Variants in WDR70 observed in about 807,000 individuals in gnomAD.
The protein encoded by WDR70 is WD repeat domain 70.
WDR70 carries 53 observed loss-of-function variants against 88.6 expected under a neutral mutation model. The observed-to-expected ratio is 0.60, with a 90% CI of 0.48 to 0.75. WDR70 has a LOEUF of 0.75. Among genes scored for constraint, WDR70 ranks in the 30% least tolerant of loss-of-function variants. The probability of loss-of-function intolerance (pLI) is 0.00; values close to 1 mark genes in which losing one functional copy is unlikely to be tolerated. For synonymous variants in WDR70, 280 were observed against 270.0 expected, an observed-to-expected ratio of 1.04 and a Z score of -0.36; for missense variants, 610 against 823.2, an observed-to-expected ratio of 0.74 and a Z score of 3.17.
chr5:37,748,560 G>C (rs1748703819), intron 17 of WDR70, among the ~76,000 whole-genome samples: 1 of 152,136 alleles, frequency 6.6e-6, no homozygotes, highest in South Asian at 2.1e-4. Flanking sequence ...CATGGGCAAA[G>C]ACTTCATGAC....
intron 8 of WDR70, among the ~76,000 whole-genome samples, chr5:37,498,247 A>G (rs1420616452): frequency 6.6e-6 from 1 of 152,216 alleles, no homozygotes; most frequent in Non-Finnish European, 1.5e-5. Context: ...AACTCTCAGT[A>G]GCAGTTGACA....
intron 10 of WDR70, among the ~76,000 whole-genome samples, chr5:37,669,025 A>G (rs940928047): frequency 2.6e-5 from 4 of 152,184 alleles, no homozygotes; most frequent in African/African-American, 9.7e-5. Flanking sequence ...ATTCTTAGCC[A>G]TTTTGGTGCC....
intron 10 of WDR70, among the ~76,000 whole-genome samples, chr5:37,648,030 T>C (rs557294956): frequency 6.6e-6 from 1 of 152,290 alleles, no homozygotes; most frequent in South Asian, 2.1e-4. Flanking sequence ...GGGATTACAA[T>C]TTGAGATGAG....
chr5:37,452,267 ATT>A (rs35672808), intron 7 of WDR70, among the ~76,000 whole-genome samples: 1 of 141,704 alleles, frequency 7.1e-6, no homozygotes, highest in Non-Finnish European at 1.5e-5. Flanking sequence ...TTTGAGACTG[ATT>A]TTTTTTTTTT....
At chr5:37,485,688 AATTATT>A (rs367913868) in intron 8 of WDR70, among the ~76,000 whole-genome samples, 5 of 151,426 alleles carry the variant, frequency 3.3e-5, no homozygotes, top group African/African-American at 7.3e-5. Context: ...TCATTCATTT[AATTATT>A]ATTATTATTA....
At chr5:37,623,912 A>G (rs948310456) in intron 10 of WDR70, among the ~76,000 whole-genome samples, 3 of 152,178 alleles carry the variant, frequency 2.0e-5, no homozygotes, top group Admixed American at 6.5e-5. Context: ...AATTATACAT[A>G]TCCATGGCAT....
chr5:37,570,032 A>G (rs1214292431), intron 9 of WDR70, among the ~76,000 whole-genome samples: 1 of 152,166 alleles, frequency 6.6e-6, no homozygotes, highest in East Asian at 1.9e-4. Flanking sequence ...TATAAGACAT[A>G]CTATTGTGGA....
chr5:37,417,794 G>A (rs1055052635), intron 5 of WDR70, among the ~76,000 whole-genome samples: 1 of 152,152 alleles, frequency 6.6e-6, no homozygotes, highest in African/African-American at 2.4e-5. Flanking sequence ...TGATCCTCTT[G>A]CCTTGGCCTC....
At chr5:37,447,910 C>T (rs1738553433) in intron 7 of WDR70, among the ~76,000 whole-genome samples, 2 of 152,086 alleles carry the variant, frequency 1.3e-5, no homozygotes, top group African/African-American at 4.8e-5. Flanking sequence ...ACGTTGTGCA[C>T]ATGTACCCTA....
intron 3 of WDR70, among the ~76,000 whole-genome samples, chr5:37,382,569 G>A (rs1262456486): frequency 4.6e-5 from 7 of 151,796 alleles, no homozygotes; most frequent in Admixed American, 1.3e-4. Flanking sequence ...ACGCCACCAC[G>A]CCCAGCTAAT....
chr5:37,618,248 A>G (rs1281293358), intron 10 of WDR70, among the ~76,000 whole-genome samples: 3 of 152,254 alleles, frequency 2.0e-5, no homozygotes, highest in Non-Finnish European at 4.4e-5. Flanking sequence ...TTATATTTTC[A>G]TTATATTGAA....
At chr5:37,674,934 G>A (rs1453552264) in intron 10 of WDR70, among the ~76,000 whole-genome samples, 4 of 151,558 alleles carry the variant, frequency 2.6e-5, no homozygotes, top group African/African-American at 9.7e-5. Flanking sequence ...TCTAACTGGT[G>A]TGAGATGGTA....
At position 37,626,623 on chromosome 5, in the gene WDR70, T is replaced by A. The variant is rs150381339; in HGVS notation, c.1092+21385T>A. Among the ~76,000 whole-genome samples, 9 of 152,304 alleles carry A rather than the reference T, an allele frequency of 5.9e-5. No individual in the cohort carries two copies. The East Asian group carries it at 1.5e-3, about 26-fold the overall frequency. On this transcript the variant is annotated intron_variant, in intron 10 of 17. Transcript: ENST00000265107. ...TCTAGTTTTGGTATCAGGGTTCTGC[T>A]GGCCTTGTAGAATGAATTAGGAAGA...
intron 9 of WDR70, among the ~76,000 whole-genome samples, chr5:37,590,911 A>C (rs768911594): frequency 2.0e-5 from 3 of 152,206 alleles, no homozygotes; most frequent in Non-Finnish European, 4.4e-5. Context: ...AGAAAGAATT[A>C]ACCTAGTAGG....
intron 9 of WDR70, among the ~76,000 whole-genome samples, chr5:37,583,751 C>T (rs769709309): frequency 7.9e-5 from 12 of 152,092 alleles, no homozygotes; most frequent in Non-Finnish European, 1.5e-4. Flanking sequence ...AGTTGATATT[C>T]ATTTTGTTAA....
In WDR70 at chr5:37,744,557, A is replaced by G. The variant is rs941381785; in HGVS notation, c.1878-7929A>G. Among the ~76,000 whole-genome samples the G allele has an allele frequency of 2.0e-5, 3 of 151,942 alleles. No individual in the cohort carries two copies. In the East Asian group the frequency reaches 5.8e-4, roughly 29 times the overall value. ...ATAAAATGTTGGAGGAGGAATTGCTAAACTAGAATAACCAGTTTAGAGAGG... is the reference window on the plus strand; with the variant it reads ...ATAAAATGTTGGAGGAGGAATTGCTGAACTAGAATAACCAGTTTAGAGAGG... On this transcript the variant is annotated intron_variant, in intron 17 of 17. Transcript: ENST00000265107.
At chr5:37,595,126 CTTTA>C (rs1743663685) in intron 9 of WDR70, among the ~76,000 whole-genome samples, 1 of 152,154 alleles carries the variant, frequency 6.6e-6, no homozygotes, top group Non-Finnish European at 1.5e-5. Flanking sequence ...ACTGAATACG[CTTTA>C]TTTCTTTCTC....
chr5:37,675,015 G>A (rs1299943726), intron 10 of WDR70, among the ~76,000 whole-genome samples: 3 of 151,200 alleles, frequency 2.0e-5, no homozygotes, highest in Admixed American at 6.6e-5. Context: ...GTGTTTTTTG[G>A]CTGCATAAAT....
intron 13 of WDR70, 101 bp downstream of exon 13, chr5:37,703,188 T>C (rs1747216034): frequency 7.1e-7 from 1 of 1,405,452 alleles, no homozygotes; most frequent in African/African-American, 1.4e-5. Context: ...CCCTGGCCCT[T>C]AGAGCACGGT....
Sources: allele counts gnomAD v4.1 joint callset (sites outside exome capture counted in the v4.1 genomes callset), GRCh38; gene constraint gnomAD v4.1.1; transcripts MANE v1.5; gene names NCBI Gene and HGNC (gene_info 2026-07-23, HGNC 2026-07-21).